The following RASSF6 variants were observed in gnomAD, a reference collection of about 807,000 sequenced individuals.
RASSF6 encodes Ras association domain family member 6, also known as ras association domain-containing protein 6.
In RASSF6, 52 loss-of-function variants were observed where a neutral mutation model predicts 44.0. The ratio of observed to expected loss-of-function variants is 1.18; its 90% CI spans 0.95 to 1.49. The LOEUF (loss-of-function observed/expected upper bound fraction) is 1.49. Among genes scored for constraint, RASSF6 ranks in the 40% most tolerant of loss-of-function variants. The pLI, the probability that RASSF6 is intolerant of heterozygous loss-of-function variation, is 0.00. For synonymous variants in RASSF6, 162 were observed against 124.6 expected (o/e 1.30, Z -2.00); for missense variants, 464 against 393.3 (o/e 1.18, Z -1.52).
chr4:73,601,786 C>T (rs987095530), intron 2 of RASSF6, among the ~76,000 whole-genome samples: 2 of 152,168 alleles, frequency 1.3e-5, no homozygotes, highest in African/African-American at 4.8e-5. Context: ...CAATGTATGT[C>T]TGTAACATTC....
intron 4 of RASSF6, among the ~76,000 whole-genome samples, chr4:73,592,646 CTTCAAGTGCAT>C: frequency 6.6e-6 from 1 of 152,184 alleles, no homozygotes; most frequent in East Asian, 1.9e-4. Context: ...ATTTATTTAA[CTTCAAGTGCAT>C]TTCAGGGTGC....
At position 73,598,725 on chromosome 4, in the gene RASSF6, A is replaced by G. The variant is rs771468973; in HGVS notation, c.66-7T>C. 3 of 1,132,694 alleles carry G rather than the reference A, an allele frequency of 2.6e-6. No individual in the cohort carries two copies. The Admixed American group carries it at 1.1e-4, about 41-fold the overall frequency. 70.2% of individuals were successfully genotyped at this position (1,132,694 alleles called of 1,614,324 possible). A position where few individuals can be genotyped will look rare whatever the true frequency, so the allele number is the denominator to read the frequency against. ...TAAAGAATTAAGTTGTTCCCTAAAA[A>G]TAAAAAAAAATTAATTACAATCAGT... On this transcript the variant is annotated splice_polypyrimidine_tract_variant and splice_region_variant and intron_variant, in intron 2 of 10. Transcript: ENST00000307439.
intron 2 of RASSF6, among the ~76,000 whole-genome samples, chr4:73,603,039 G>C (rs899705978): frequency 1.3e-5 from 2 of 152,108 alleles, no homozygotes; most frequent in Admixed American, 6.5e-5. Context: ...AGTGAGCCCA[G>C]ATTGCGCCAC....
intron 5 of RASSF6, 84 bp downstream of exon 5, chr4:73,587,756 G>T (rs951938171): frequency 2.6e-6 from 2 of 776,732 alleles, no homozygotes; most frequent in East Asian, 2.5e-5. Context: ...TATGAAAAAG[G>T]TTAGATTTCA....
chr4:73,595,946 C>T (rs375633617), intron 3 of RASSF6, among the ~76,000 whole-genome samples: 17 of 152,188 alleles, frequency 1.1e-4, no homozygotes, highest in East Asian at 3.9e-4. Context: ...CCATGCTGTG[C>T]CATGAAATTA....
intron 1 of RASSF6, among the ~76,000 whole-genome samples, chr4:73,613,464 T>G (rs2463883): frequency 0.95 from 144,036 of 152,176 alleles, 68,580 homozygotes; most frequent in Non-Finnish European, 1. Flanking sequence ...CCCTGGATTT[T>G]GTCATTCTAA....
chr4:73,620,460 C>T (rs778511521), upstream of RASSF6: 2 of 1,546,962 alleles, frequency 1.3e-6, no homozygotes, highest in East Asian at 2.5e-5. Context: ...GTCCGAGGCC[C>T]GCGCGGGCGC....
At chr4:73,607,565 A>G (rs1208868418) in intron 2 of RASSF6, among the ~76,000 whole-genome samples, 1 of 152,160 alleles carries the variant, frequency 6.6e-6, no homozygotes, top group African/African-American at 2.4e-5. Flanking sequence ...CCCTCAGAAT[A>G]CATGTCAGTT....
intron 6 of RASSF6, 125 bp from the exon 7 acceptor site, chr4:73,582,415 GTTTT>G: frequency 2.2e-6 from 1 of 448,374 alleles, no homozygotes; most frequent in East Asian, 3.3e-5. Context: ...AATTTGTTTT[GTTTT>G]TGTTTGTTTT....
chr4:73,590,279 A>C (rs1470404708), intron 4 of RASSF6, among the ~76,000 whole-genome samples: 1 of 152,174 alleles, frequency 6.6e-6, no homozygotes, highest in Non-Finnish European at 1.5e-5. Flanking sequence ...CTAATGTGAC[A>C]AGACCAATGA....
intron 8 of RASSF6, among the ~76,000 whole-genome samples, chr4:73,578,420 T>TA (rs201276260): frequency 4.6e-5 from 7 of 151,582 alleles, no homozygotes; most frequent in East Asian, 3.9e-4. Context: ...TTTTTAAACT[T>TA]AAAAAAAAAT....
At chr4:73,581,741 GTTC>G (rs1297728760) in intron 8 of RASSF6, 73 bp downstream of exon 8, 25 of 949,794 alleles carry the variant, frequency 2.6e-5, no homozygotes, top group Middle Eastern at 4.3e-4. Context: ...GAGGCAAACT[GTTC>G]TTCTGCCTTC....
At chr4:73,612,810 G>T (rs1726117686) in intron 1 of RASSF6, among the ~76,000 whole-genome samples, 1 of 151,908 alleles carries the variant, frequency 6.6e-6, no homozygotes, top group African/African-American at 2.4e-5. Flanking sequence ...AAACCATCTT[G>T]GTATCTTTCT....
In RASSF6 at chr4:73,573,618, T is replaced by C. The variant is rs1009000965; in HGVS notation, c.*2617A>G. The stretch of plus-strand genomic sequence containing the variant: ...ACTACTAAATTGCCTTCAAGAAAAA[T>C]TATATCTATTTGTATTTTTACCAGA... On this transcript the variant is annotated 3_prime_UTR_variant, in exon 11 of 11. Coordinates refer to ENST00000307439, the MANE Select transcript of RASSF6 (RefSeq NM_177532.5). 1 of 152,166 alleles carries C rather than the reference T, an allele frequency of 6.6e-6. No homozygotes were observed. The highest frequency in any genetic ancestry group is 2.4e-5 in the African/African-American group (1 of 41,430). The allele number at this position is 152,166 out of a possible 1,614,324, so 9.4% of individuals were successfully genotyped here. A position where few individuals can be genotyped will look rare whatever the true frequency, so the allele number is the denominator to read the frequency against.
chr4:73,615,899 T>A, intron 1 of RASSF6: 1 of 1,550,468 alleles, frequency 6.4e-7, no homozygotes, highest in South Asian at 1.2e-5. Flanking sequence ...ACCAGTTGCC[T>A]TGTGACCAGA....
At chr4:73,611,864 A>G (rs1726040709) in intron 1 of RASSF6, 35 bp from the exon 2 acceptor site, 3 of 1,340,718 alleles carry the variant, frequency 2.2e-6, no homozygotes, top group Non-Finnish European at 2.1e-6. Context: ...ATTTGTTCCT[A>G]TAATGCATTA....
chr4:73,620,404 G>T lies in RASSF6; in HGVS notation c.-151C>A, dbSNP rs1157875241. On this transcript the variant is annotated 5_prime_UTR_variant, in exon 1 of 11. Transcript: ENST00000307439. ...TCTGGTAGAGGGAAACCAGTGCCCT[G>T]TCTCTGCCGGGCTGGGACTCCGCGA... 1.6e-5 allele frequency: 24 copies of T among 1,538,294 alleles called. No homozygotes were observed. In the Admixed American group the frequency reaches 5.0e-4, roughly 32 times the overall value.
intron 3 of RASSF6, among the ~76,000 whole-genome samples, chr4:73,594,223 C>T (rs1341195096): frequency 2.0e-5 from 3 of 152,136 alleles, no homozygotes; most frequent in African/African-American, 7.2e-5. Flanking sequence ...CATAAATAAT[C>T]ATTATATATA....
At chr4:73,582,328 AT>A in intron 6 of RASSF6, 38 bp from the exon 7 acceptor site, 1 of 1,086,990 alleles carries the variant, frequency 9.2e-7, no homozygotes, top group South Asian at 1.5e-5. Flanking sequence ...TTAAAATTAT[AT>A]TATATTAAGG....
Sources: allele counts gnomAD v4.1 joint callset (sites outside exome capture counted in the v4.1 genomes callset), GRCh38; gene constraint gnomAD v4.1.1; transcripts MANE v1.5; gene names NCBI Gene and HGNC (gene_info 2026-07-23, HGNC 2026-07-21).